The following CCDC7 variants were observed in gnomAD, a reference collection of about 807,000 sequenced individuals.
CCDC7 encodes coiled-coil domain-containing protein 7.
CCDC7 carries 183 observed loss-of-function variants against 196.9 expected under a neutral mutation model. The ratio of observed to expected loss-of-function variants is 0.93; its 90% CI spans 0.82 to 1.05. CCDC7 has a LOEUF of 1.05. Among genes scored for constraint, CCDC7 ranks in the 50% least tolerant of loss-of-function variants. CCDC7 has a pLI of 0.00. For synonymous variants in CCDC7, 525 were observed against 484.6 expected, an observed-to-expected ratio of 1.08 and a Z score of -1.10; for missense variants, 1,540 against 1,482.2, an observed-to-expected ratio of 1.04 and a Z score of -0.64.
intron 18 of CCDC7, among the ~76,000 whole-genome samples, chr10:32,609,926 G>C (rs954025322): frequency 1.3e-5 from 2 of 152,122 alleles, no homozygotes; most frequent in African/African-American, 4.8e-5. Context: ...AGCAATGGCT[G>C]AGTAGTGTAT....
exon 18 of CCDC7, chr10:32,584,292 G>GA: frequency 1.3e-6 from 2 of 1,597,038 alleles, no homozygotes; most frequent in South Asian, 2.3e-5. Context: ...CCAAGCAGCA[G>GA]AAAAATCTCA....
chr10:32,528,750 ATATATACG>A (rs1165111555), intron 11 of CCDC7, among the ~76,000 whole-genome samples: 1 of 145,072 alleles, frequency 6.9e-6, no homozygotes, highest in Admixed American at 6.9e-5. Flanking sequence ...GTATATATAC[ATATATACG>A]TATTTACATA....
chr10:32,593,904 G>T (rs1379653424), intron 18 of CCDC7, among the ~76,000 whole-genome samples: 1 of 152,058 alleles, frequency 6.6e-6, no homozygotes, highest in Admixed American at 6.6e-5. Flanking sequence ...TCCAACTGGT[G>T]TATCTCTCTC....
intron 31 of CCDC7, among the ~76,000 whole-genome samples, chr10:32,815,950 C>T (rs1312676563): frequency 6.6e-6 from 1 of 152,200 alleles, no homozygotes; most frequent in Non-Finnish European, 1.5e-5. Context: ...TTCTGCATTT[C>T]CAACTGAGGT....
chr10:32,595,328 A>T (rs377280442), intron 18 of CCDC7, among the ~76,000 whole-genome samples: 1 of 152,074 alleles, frequency 6.6e-6, no homozygotes. Flanking sequence ...TTTCTAGTTT[A>T]TTTGCGTAGA....
At chr10:32,670,831 T>C (rs1437617783) in intron 21 of CCDC7, among the ~76,000 whole-genome samples, 1 of 152,108 alleles carries the variant, frequency 6.6e-6, no homozygotes, top group Non-Finnish European at 1.5e-5. Context: ...ATGAGCTTTA[T>C]TATTTTCTTC....
intron 29 of CCDC7, among the ~76,000 whole-genome samples, chr10:32,787,884 C>A (rs1455038607): frequency 6.6e-6 from 1 of 152,126 alleles, no homozygotes; most frequent in African/African-American, 2.4e-5. Flanking sequence ...AGGCCTGCCC[C>A]TGAAGGCCTC....
intron 21 of CCDC7, among the ~76,000 whole-genome samples, chr10:32,672,507 A>G (rs910577788): frequency 6.6e-6 from 1 of 152,138 alleles, no homozygotes; most frequent in South Asian, 2.1e-4. Context: ...GGGTTAGAGG[A>G]GGTGGTGACT....
intron 20 of CCDC7, among the ~76,000 whole-genome samples, chr10:32,661,075 A>C (rs1271399405): frequency 2.7e-5 from 4 of 149,336 alleles, no homozygotes; most frequent in Middle Eastern, 3.3e-3. Context: ...CAACCTACTC[A>C]TCTGACAAAG....
chr10:32,807,252 T>A (rs933212115), intron 30 of CCDC7, among the ~76,000 whole-genome samples: 1 of 152,170 alleles, frequency 6.6e-6, no homozygotes, highest in African/African-American at 2.4e-5. Context: ...CTCTTAATTT[T>A]AACTCTTAAT....
chr10:32,472,635 C>T, intron 7 of CCDC7, 93 bp downstream of exon 8: 1 of 1,183,792 alleles, frequency 8.4e-7, no homozygotes, highest in Non-Finnish European at 1.1e-6. Flanking sequence ...CACTCTGTCA[C>T]CCATGCTGGA....
At chr10:32,878,570 G>A (rs1480683413), downstream of CCDC7, among the ~76,000 whole-genome samples, 1 of 152,024 alleles carries the variant, frequency 6.6e-6, no homozygotes, top group Non-Finnish European at 1.5e-5. Context: ...CAGAATCAGG[G>A]CAAATGTGAA....
upstream of CCDC7, among the ~76,000 whole-genome samples, chr10:32,443,532 C>G (rs1438206997): frequency 6.6e-6 from 1 of 152,152 alleles, no homozygotes; most frequent in Non-Finnish European, 1.5e-5. Flanking sequence ...TTTTTTTTCT[C>G]TCAATGATAT....
intron 29 of CCDC7, among the ~76,000 whole-genome samples, chr10:32,797,153 G>A (rs908078065): frequency 6.6e-6 from 1 of 150,570 alleles, no homozygotes; most frequent in Non-Finnish European, 1.5e-5. Context: ...ATAAACTGTG[G>A]TATGTGTATG....
At position 32,637,569 on chromosome 10, in the gene CCDC7, A is replaced by C. The variant is rs141328888; in HGVS notation, c.2014+2411A>C. ...ATGCGGCATTATTTCTGAGGACTCT[A>C]TTCTGTTCCATTGGTCTATAGCTCT... On this transcript the variant is annotated intron_variant, in intron 20 of 41. Transcript: ENST00000639629. Among the ~76,000 whole-genome samples, 1,339 of 152,136 alleles carry C rather than the reference A, an allele frequency of 8.8e-3. 15 individuals carry two copies. The highest frequency in any genetic ancestry group is 0.029 in the African/African-American group (1,219 of 41,512).
intron 20 of CCDC7, among the ~76,000 whole-genome samples, chr10:32,660,031 G>A (rs1426879711): frequency 2.0e-5 from 3 of 152,120 alleles, no homozygotes; most frequent in Non-Finnish European, 4.4e-5. Context: ...ACATGTACGT[G>A]CCTGTTTGGT....
At position 32,525,985 on chromosome 10, in the gene CCDC7, T is replaced by C. The variant is rs539953195; in HGVS notation, c.993+7480T>C. Among the ~76,000 whole-genome samples the C allele has an allele frequency of 2.0e-5, 3 of 152,300 alleles. No individual in the cohort carries two copies. In the East Asian group the frequency reaches 5.8e-4, roughly 29 times the overall value. On this transcript the variant is annotated intron_variant, in intron 11 of 41. Coordinates refer to ENST00000639629, the Ensembl canonical transcript of CCDC7. The stretch of plus-strand genomic sequence containing the variant: ...TGAAGCCAGCACAGGACTGGGCCTT[T>C]CCCAAGGCCCTTTCCTTCAGGGTGG...
At chr10:32,590,602 T>C (rs1184947990) in intron 18 of CCDC7, among the ~76,000 whole-genome samples, 1 of 152,186 alleles carries the variant, frequency 6.6e-6, no homozygotes, top group Non-Finnish European at 1.5e-5. Context: ...TGATTTCTTA[T>C]TGTTCATGAA....
intron 8 of CCDC7, 41 bp from the exon 10 acceptor site, chr10:32,491,881 A>G (rs1589142157): frequency 6.6e-7 from 1 of 1,520,888 alleles, no homozygotes; most frequent in Non-Finnish European, 8.8e-7. Flanking sequence ...AACTTAAGCT[A>G]TTTATAAAAC....
Sources: gnomAD v4.1 joint callset for allele counts (sites outside exome capture counted in the v4.1 genomes callset) on GRCh38, gnomAD v4.1.1 for gene constraint, MANE v1.5 for transcripts, NCBI Gene and HGNC (gene_info 2026-07-23, HGNC 2026-07-21) for gene names.